Variants in ITIH2 observed in about 807,000 individuals in gnomAD.
The protein encoded by ITIH2 is inter-alpha-trypsin inhibitor heavy chain 2.
A neutral mutation model predicts 104.4 loss-of-function variants in ITIH2; 103 were observed. The ratio of observed to expected loss-of-function variants is 0.99; its 90% CI spans 0.84 to 1.16. The LOEUF (loss-of-function observed/expected upper bound fraction) is 1.16, where lower values mean the gene tolerates loss of function less well. ITIH2 is among the 50% of genes most tolerant of loss of function. ITIH2 has a pLI of 0.00. For missense variants in ITIH2, 1,108 were observed against 1,162.4 expected, an observed-to-expected ratio of 0.95 and a Z score of 0.68; for synonymous variants, 436 against 435.4, an observed-to-expected ratio of 1.00 and a Z score of -0.02.
At chr10:7,730,621 G>A (rs371470014) in intron 12 of ITIH2, among the ~76,000 whole-genome samples, 1 of 152,234 alleles carries the variant, frequency 6.6e-6, no homozygotes, top group South Asian at 2.1e-4. Context: ...GAGGTTTAAG[G>A]CCAGCTTGGG....
chr10:7,745,207 A>T (rs1427069022), intron 19 of ITIH2, among the ~76,000 whole-genome samples: 2 of 152,208 alleles, frequency 1.3e-5, no homozygotes, highest in Non-Finnish European at 2.9e-5. Context: ...GGACAGATAC[A>T]TTTTAAGTTT....
rs368218110 is a variant in ITIH2 at position 7,713,293 on chromosome 10, C to A, written c.467+8C>A. 14 of 1,604,660 alleles carry A rather than the reference C, an allele frequency of 8.7e-6. No homozygotes were observed. Among genetic ancestry groups the A allele is most frequent in the Non-Finnish European group, 1.1e-5 (13 of 1,171,674 alleles). On this transcript the variant is annotated splice_region_variant and intron_variant, in intron 5 of 20. Coordinates refer to ENST00000358415, the MANE Select transcript of ITIH2 (RefSeq NM_002216.3). ...GACGGCTGGCTTGGTGAGGTAAGGC[C>A]TGAGTGAGCAAGGCTTGCCCTTGCC...
chr10:7,720,770 A>G, intron 6 of ITIH2, 86 bp from the exon 7 acceptor site: 2 of 810,788 alleles, frequency 2.5e-6, no homozygotes, highest in Non-Finnish European at 2.1e-6. Context: ...GAAAAGCATC[A>G]GAGGACTTAT....
chr10:7,732,560 A>G lies in ITIH2; in HGVS notation c.1787+83A>G, dbSNP rs1835014160. On this transcript the variant is annotated intron_variant, in intron 14 of 20. Coordinates refer to ENST00000358415, the MANE Select transcript of ITIH2 (RefSeq NM_002216.3). Reference sequence around the variant, plus strand: ...AATATATGAAGTCATACACAAAAAGAGTTTGGAAGCAAGAAAGACAGCACA... The same window carrying G: ...AATATATGAAGTCATACACAAAAAGGGTTTGGAAGCAAGAAAGACAGCACA... 2.7e-6 allele frequency: 4 copies of G among 1,471,782 alleles called. No individual in the cohort carries two copies. In the South Asian group the frequency reaches 3.6e-5, roughly 13 times the overall value. The allele number at this position is 1,471,782 out of a possible 1,614,324, so 91.2% of individuals were successfully genotyped here.
At position 7,744,210 on chromosome 10, in the gene ITIH2, A is replaced by C. The variant is rs762132077; in HGVS notation, c.2338A>C (p.Ile780Leu). 3.3e-5 allele frequency: 53 copies of C among 1,614,060 alleles called. No individual in the cohort carries two copies. In the East Asian group the frequency reaches 1.2e-3, roughly 35 times the overall value. The change falls in exon 18 of 21, where the codon ATC (isoleucine) becomes CTC (leucine). Residue 780 changes from isoleucine (I) to leucine (L), a missense_variant. Transcript: ENST00000358415. ...DIKIEISTET[I>L]TLSHGSSTFS... is the part of the protein sequence containing the mutation. ...AAAAATAGAAATCAGCACTGAGACC[A>C]TCACCCTGAGCCATGGTTCTAGCAC...
intron 5 of ITIH2, 69 bp downstream of exon 5, chr10:7,713,354 C>A: frequency 8.0e-7 from 1 of 1,252,680 alleles, no homozygotes; most frequent in Non-Finnish European, 1.2e-6. Context: ...TTCCTTCCCA[C>A]AGCAGCAAAG....
chr10:7,723,164 G>GAAGTGGCGTGGAGTGGTA, intron 8 of ITIH2, among the ~76,000 whole-genome samples: 1 of 151,506 alleles, frequency 6.6e-6, no homozygotes, highest in Non-Finnish European at 1.5e-5. Flanking sequence ...GTGGAGTGGT[G>GAAGTGGCGTGGAGTGGTA]TGACGTGGAG....
intron 13 of ITIH2, 134 bp from the exon 14 acceptor site, chr10:7,732,204 A>C: frequency 1.8e-6 from 2 of 1,092,000 alleles, no homozygotes; most frequent in Non-Finnish European, 2.7e-6. Context: ...ACAGGAATGC[A>C]TTTCCTTCCT....
At chr10:7,709,219 A>C (rs1361029378) in intron 4 of ITIH2, 28 bp downstream of exon 4, 6 of 1,598,878 alleles carry the variant, frequency 3.8e-6, no homozygotes, top group Non-Finnish European at 4.3e-6. Flanking sequence ...AGAGCCAGAA[A>C]TTGTAGGTGC....
intron 9 of ITIH2, among the ~76,000 whole-genome samples, chr10:7,725,070 T>C (rs967177806): frequency 6.6e-6 from 1 of 152,200 alleles, no homozygotes; most frequent in Non-Finnish European, 1.5e-5. Context: ...GCCTACCCTC[T>C]GTGTGCTTAT....
At chr10:7,731,400 T>TG (rs1225448413) in intron 12 of ITIH2, among the ~76,000 whole-genome samples, 1 of 152,140 alleles carries the variant, frequency 6.6e-6, no homozygotes, top group Non-Finnish European at 1.5e-5. Flanking sequence ...GTGAATAAAT[T>TG]AAGAGGTATC....
chr10:7,731,553 C>T (rs754691407), intron 12 of ITIH2, among the ~76,000 whole-genome samples: 5 of 151,874 alleles, frequency 3.3e-5, no homozygotes, highest in African/African-American at 1.2e-4. Flanking sequence ...GGTGAAAACC[C>T]GTCTCTACTA....
chr10:7,726,362 G>C (rs1588455997), intron 9 of ITIH2, among the ~76,000 whole-genome samples: 1 of 152,174 alleles, frequency 6.6e-6, no homozygotes, highest in African/African-American at 2.4e-5. Context: ...CAAAGAGAGG[G>C]AATGAAATAG....
intron 11 of ITIH2, among the ~76,000 whole-genome samples, chr10:7,728,597 T>C (rs555622538): frequency 6.6e-6 from 1 of 152,150 alleles, no homozygotes; most frequent in African/African-American, 2.4e-5. Context: ...AGTCTCACTA[T>C]GTTGCTCAGG....
chr10:7,737,677 T>TA (rs1564305626), intron 15 of ITIH2, among the ~76,000 whole-genome samples: 2 of 25,698 alleles, frequency 7.8e-5, no homozygotes, highest in African/African-American at 3.0e-4. Flanking sequence ...ATATTCTATA[T>TA]TTTCTATATT....
chr10:7,721,971 T>A (rs1834908359), intron 8 of ITIH2, among the ~76,000 whole-genome samples, 194 bp downstream of exon 8: 1 of 152,068 alleles, frequency 6.6e-6, no homozygotes. Flanking sequence ...ACTAAATGAA[T>A]AGGGTCTCAT....
chr10:7,743,567 A>G (rs1273166912), intron 17 of ITIH2, among the ~76,000 whole-genome samples: 1 of 152,050 alleles, frequency 6.6e-6, no homozygotes, highest in East Asian at 1.9e-4. Context: ...TGAGGTCAAG[A>G]GTTCGAGACC....
At position 7,703,484 on chromosome 10, in the gene ITIH2, C is replaced by G; in HGVS notation, c.50C>G (p.Ser17Ter). The change falls in exon 1 of 21, where the codon TCA (serine) becomes TGA (stop). Residue 17 changes from serine (S) to a stop codon, truncating the protein, a stop_gained. Coordinates refer to ENST00000358415, the MANE Select transcript of ITIH2 (RefSeq NM_002216.3). LOFTEE classifies it high-confidence loss of function. ...ATCTGCTTCTTTCTTTCTGAAGTAT[C>G]AGGCTTCGAAATCCCCATAAATGGA... The part of the protein sequence containing the change: ...FFICFFLSEV[S>*]GFEIPINGLS... 1 of 1,613,688 alleles carries G rather than the reference C, an allele frequency of 6.2e-7. No individual in the cohort carries two copies. Among genetic ancestry groups the G allele is most frequent in the Non-Finnish European group, 8.5e-7 (1 of 1,179,606 alleles).
At chr10:7,714,939 C>A (rs1362439887) in intron 5 of ITIH2, among the ~76,000 whole-genome samples, 1 of 152,156 alleles carries the variant, frequency 6.6e-6, no homozygotes. Flanking sequence ...CTGCACCATA[C>A]TGTTTTATAA....
Sources: gnomAD v4.1 joint callset for allele counts (sites outside exome capture counted in the v4.1 genomes callset) on GRCh38, gnomAD v4.1.1 for gene constraint, MANE v1.5 for transcripts, NCBI Gene and HGNC (gene_info 2026-07-23, HGNC 2026-07-21) for gene names.